The following PXDNL variants were observed in gnomAD, a reference collection of about 807,000 sequenced individuals.
PXDNL encodes the protein probable oxidoreductase PXDNL.
PXDNL carries 145 observed loss-of-function variants against 150.8 expected under a neutral mutation model. The ratio of observed to expected loss-of-function variants is 0.96; its 90% confidence interval spans 0.84 to 1.10. The LOEUF is 1.10. Ranked by LOEUF, PXDNL falls within the 50% of genes least tolerant of loss-of-function variation. The pLI is 0.00. For synonymous variants in PXDNL, 757 were observed against 725.7 expected, an observed-to-expected ratio of 1.04 and a Z score of -0.69; for missense variants, 2,087 against 1,873.9, an observed-to-expected ratio of 1.11 and a Z score of -2.10.
intron 5 of PXDNL, among the ~76,000 whole-genome samples, chr8:51,486,961 ATT>A: frequency 6.6e-6 from 1 of 150,724 alleles, no homozygotes; most frequent in African/African-American, 2.4e-5. Context: ...CGCCCAGCTA[ATT>A]TTTTGTATTT....
In PXDNL at chr8:51,391,010, C is replaced by T. The variant is rs1807887056; in HGVS notation, c.3558-16279G>A. Among the ~76,000 whole-genome samples, 4 of 152,030 alleles carry T rather than the reference C, an allele frequency of 2.6e-5. No homozygotes were observed. In the South Asian group the frequency reaches 8.3e-4, roughly 32 times the overall value. On this transcript the variant is annotated intron_variant, in intron 17 of 22. Transcript: ENST00000356297. ...AACATGCGGTGTTTGGTTTTTTGTC[C>T]TTGCGATAGTTTACTGAGAATGATG...
intron 4 of PXDNL, among the ~76,000 whole-genome samples, chr8:51,544,975 G>C (rs1226405046): frequency 1.3e-5 from 2 of 152,044 alleles, no homozygotes; most frequent in Non-Finnish European, 2.9e-5. Flanking sequence ...AAATAAAATT[G>C]AATTTCAGAG....
At chr8:51,485,233 T>C (rs1810702340) in intron 5 of PXDNL, among the ~76,000 whole-genome samples, 1 of 152,170 alleles carries the variant, frequency 6.6e-6, no homozygotes, top group South Asian at 2.1e-4. Context: ...CTGATGCACA[T>C]CTGAGAAGAT....
intron 8 of PXDNL, among the ~76,000 whole-genome samples, chr8:51,470,293 C>T (rs1810297990): frequency 6.6e-6 from 1 of 151,924 alleles, no homozygotes; most frequent in Admixed American, 6.6e-5. Context: ...TATTTTTAAC[C>T]TACACTTACT....
At chr8:51,374,520 C>T (rs1807236541) in intron 18 of PXDNL, 77 bp downstream of exon 18, 2 of 1,425,830 alleles carry the variant, frequency 1.4e-6, no homozygotes, top group Non-Finnish European at 1.9e-6. Flanking sequence ...AAATATGAAT[C>T]ACAATGTTAA....
intron 1 of PXDNL, among the ~76,000 whole-genome samples, chr8:51,770,700 C>G (rs575878321): frequency 1.3e-5 from 2 of 152,232 alleles, no homozygotes; most frequent in African/African-American, 4.8e-5. Flanking sequence ...GAAAATCACT[C>G]TTATATCACC....
rs143080703 is a variant in PXDNL at position 51,486,180 on chromosome 8, G to A, written c.453-2466C>T. Among the ~76,000 whole-genome samples, 1,219 of 152,238 alleles carry A rather than the reference G, an allele frequency of 8.0e-3. 5 individuals carry two copies. Among genetic ancestry groups the A allele is most frequent in the South Asian group, 0.017 (84 of 4,830 alleles). On this transcript the variant is annotated intron_variant, in intron 5 of 22. Coordinates refer to ENST00000356297, the MANE Select transcript of PXDNL (RefSeq NM_144651.5). The stretch of plus-strand genomic sequence containing the variant: ...AGATATTATCTATTTTCCAATCCAA[G>A]CAGACCAGAATTAATTGCTTAACAG...
intron 17 of PXDNL, among the ~76,000 whole-genome samples, chr8:51,385,854 C>A (rs1469348417): frequency 1.3e-5 from 2 of 152,128 alleles, no homozygotes; most frequent in African/African-American, 4.8e-5. Flanking sequence ...TCTTGCCTGC[C>A]ACCAGGTAAG....
chr8:51,442,434 C>T (rs1809572745), intron 12 of PXDNL, among the ~76,000 whole-genome samples: 1 of 151,610 alleles, frequency 6.6e-6, no homozygotes, highest in African/African-American at 2.4e-5. Context: ...AATCTTTGGT[C>T]TGTTCCTTTC....
intron 4 of PXDNL, among the ~76,000 whole-genome samples, chr8:51,536,332 AG>A (rs1425957112): frequency 4.6e-5 from 7 of 152,212 alleles, no homozygotes; most frequent in Admixed American, 3.3e-4. Context: ...TTTTTTCTTA[AG>A]CAAGTTGAGG....
intron 17 of PXDNL, among the ~76,000 whole-genome samples, chr8:51,386,631 A>T (rs1563386312): frequency 6.6e-6 from 1 of 152,114 alleles, no homozygotes; most frequent in Non-Finnish European, 1.5e-5. Flanking sequence ...TAAATAGATG[A>T]TAGATGGAAA....
At chr8:51,504,894 G>C (rs1022966264) in intron 4 of PXDNL, among the ~76,000 whole-genome samples, 1 of 152,216 alleles carries the variant, frequency 6.6e-6, no homozygotes, top group Non-Finnish European at 1.5e-5. Flanking sequence ...AAAGCTTTCT[G>C]AGTTAATATC....
chr8:51,415,802 C>T (rs913662712), intron 14 of PXDNL, among the ~76,000 whole-genome samples: 1 of 151,948 alleles, frequency 6.6e-6, no homozygotes, highest in Non-Finnish European at 1.5e-5. Flanking sequence ...ATAGTTGTTA[C>T]ATATATAGCA....
chr8:51,501,604 ACACT>A (rs1464181000), intron 4 of PXDNL, among the ~76,000 whole-genome samples: 9 of 151,868 alleles, frequency 5.9e-5, no homozygotes, highest in Non-Finnish European at 1.0e-4. Flanking sequence ...CTAATCTCAC[ACACT>A]CACACTGTCA....
chr8:51,598,160 A>G (rs1813616013), intron 2 of PXDNL, among the ~76,000 whole-genome samples: 1 of 152,220 alleles, frequency 6.6e-6, no homozygotes. Flanking sequence ...ATTTTAAGGC[A>G]TAAAATCATA....
At chr8:51,471,655 A>G (rs1810336597) in intron 8 of PXDNL, among the ~76,000 whole-genome samples, 1 of 151,970 alleles carries the variant, frequency 6.6e-6, no homozygotes, top group Non-Finnish European at 1.5e-5. Flanking sequence ...CAGTTTCAGA[A>G]TCACTGAGGT....
chr8:51,663,319 C>T (rs371150146), intron 1 of PXDNL, among the ~76,000 whole-genome samples: 3 of 152,166 alleles, frequency 2.0e-5, no homozygotes, highest in Admixed American at 1.3e-4. Flanking sequence ...GAGGCTGCAC[C>T]GGAAAACCCA....
chr8:51,325,027 G>T (rs145063829), intron 21 of PXDNL, among the ~76,000 whole-genome samples: 1 of 152,058 alleles, frequency 6.6e-6, no homozygotes, highest in East Asian at 1.9e-4. Flanking sequence ...CACCACACCC[G>T]GCTAATTTTT....
At chr8:51,327,004 CAG>C (rs10596291) in intron 21 of PXDNL, among the ~76,000 whole-genome samples, 33,025 of 151,910 alleles carry the variant, frequency 0.22, 3,705 homozygotes, top group Middle Eastern at 0.3. Context: ...AACAAAAAGA[CAG>C]AGATCTACAA....
Sources: gnomAD v4.1 joint callset for allele counts (sites outside exome capture counted in the v4.1 genomes callset) on GRCh38, gnomAD v4.1.1 for gene constraint, MANE v1.5 for transcripts, NCBI Gene and HGNC (gene_info 2026-07-23, HGNC 2026-07-21) for gene names.